Variants in BRIP1 observed in about 807,000 individuals in gnomAD.
BRIP1 encodes the protein BRCA1 interacting DNA helicase 1.
In BRIP1, 88 loss-of-function variants were observed where a neutral mutation model predicts 119.7. The ratio of observed to expected loss-of-function variants is 0.74; its 90% confidence interval spans 0.62 to 0.88. The LOEUF (loss-of-function observed/expected upper bound fraction) is 0.88. BRIP1 is among the 40% of genes least tolerant of loss of function. The pLI is 0.00. For missense variants in BRIP1, 1,259 were observed against 1,455.4 expected, an observed-to-expected ratio of 0.87 and a Z score of 2.20; for synonymous variants, 443 against 496.5, an observed-to-expected ratio of 0.89 and a Z score of 1.43.
At position 61,857,367 on chromosome 17, in the gene BRIP1, G is replaced by A; in HGVS notation, c.206-136C>T. 1.4e-6 allele frequency: 1 copy of A among 725,022 alleles called. No homozygotes were observed. Among genetic ancestry groups the A allele is most frequent in the East Asian group, 2.7e-5 (1 of 36,554 alleles). The allele number at this position is 725,022 out of a possible 1,614,324, so 44.9% of individuals were successfully genotyped here. A position where few individuals can be genotyped will look rare whatever the true frequency, so the allele number is the denominator to read the frequency against. On this transcript the variant is annotated intron_variant, in intron 3 of 19. Coordinates refer to ENST00000259008, the MANE Select transcript of BRIP1 (RefSeq NM_032043.3). The surrounding 1 kb of genome is among the most constrained non-coding windows in gnomAD (Gnocchi z 5.1). ...TAGGGCTAACACCAGGAAGGTACCTGGCAAACCTGGACAAGCTGGTCACTT... is the reference window on the plus strand; with the variant it reads ...TAGGGCTAACACCAGGAAGGTACCTAGCAAACCTGGACAAGCTGGTCACTT...
At chr17:61,741,826 G>T (rs1464251971) in intron 16 of BRIP1, among the ~76,000 whole-genome samples, 1 of 152,170 alleles carries the variant, frequency 6.6e-6, no homozygotes, top group Non-Finnish European at 1.5e-5. Context: ...AAGGCTCTAG[G>T]ATTTTTAAAA....
rs2077009706 is a variant in BRIP1, at chr17:61,743,140, A to G, written c.2258-6T>C. ...TGCTACCAGGAGAGCTCCATCTTAA[A>G]CAACAGAAAAAAGCATATCCAAAAT... On this transcript the variant is annotated splice_region_variant and splice_polypyrimidine_tract_variant and intron_variant, in intron 15 of 19. Transcript: ENST00000259008. The surrounding 1 kb of genome is among the most constrained non-coding windows in gnomAD (Gnocchi z 4.3). 1 of 1,613,910 alleles carries G rather than the reference A, an allele frequency of 6.2e-7. No individual in the cohort carries two copies. Among genetic ancestry groups the G allele is most frequent in the Non-Finnish European group, 8.5e-7 (1 of 1,179,844 alleles).
In BRIP1 at chr17:61,846,858, A is replaced by G. The variant is rs2078740721; in HGVS notation, c.627+243T>C. 6.6e-6 allele frequency among the ~76,000 whole-genome samples: 1 copy of G among 152,208 alleles called. No individual in the cohort carries two copies. The highest frequency in any genetic ancestry group is 2.4e-5 in the African/African-American group (1 of 41,444). ...ACAAACATTAAAATACAGAACAGAA[A>G]AAAATGACTTTCAGATCTCTCTCTA... On this transcript the variant is annotated intron_variant, in intron 6 of 19. Coordinates refer to ENST00000259008, the MANE Select transcript of BRIP1 (RefSeq NM_032043.3). This position sits in a 1 kb window ranked among gnomAD's most constrained non-coding sequence, Gnocchi z 4.3.
rs77877741 is a variant in BRIP1, at chr17:61,852,440, G to C, written c.380-3184C>G. On this transcript the variant is annotated intron_variant, in intron 4 of 19. Transcript: ENST00000259008. This position sits in a 1 kb window ranked among gnomAD's most constrained non-coding sequence, Gnocchi z 4.9. ...TTCAAGCACTTTGGGAGGCTGAGGC[G>C]AGTGATCATTTGAGGTCAGGAGTTA... 6.6e-6 allele frequency among the ~76,000 whole-genome samples: 1 copy of C among 152,076 alleles called. No homozygotes were observed. Among genetic ancestry groups the C allele is most frequent in the African/African-American group, 2.4e-5 (1 of 41,394 alleles).
In BRIP1 at chr17:61,793,763, A is replaced by G; in HGVS notation, c.1341-34T>C. 1 of 1,598,468 alleles carries G rather than the reference A, an allele frequency of 6.3e-7. No individual in the cohort carries two copies. Among genetic ancestry groups the G allele is most frequent in the Non-Finnish European group, 8.5e-7 (1 of 1,174,368 alleles). On this transcript the variant is annotated intron_variant, in intron 9 of 19. Coordinates refer to ENST00000259008, the MANE Select transcript of BRIP1 (RefSeq NM_032043.3). This position sits in a 1 kb window ranked among gnomAD's most constrained non-coding sequence, Gnocchi z 5.2. ...AAATAAAACAATTGTGTCAACCAGT[A>G]TCATCCTTACACACACTATTTCAGC... is the stretch of plus-strand genomic sequence containing the variant.
chr17:61,778,426 A>G lies in BRIP1; in HGVS notation c.1935+1835T>C, dbSNP rs112207339. Among the ~76,000 whole-genome samples the G allele has an allele frequency of 4.7e-4, 71 of 152,312 alleles. No homozygotes were observed. Among genetic ancestry groups the G allele is most frequent in the African/African-American group, 1.7e-3 (71 of 41,590 alleles). On this transcript the variant is annotated intron_variant, in intron 13 of 19. Coordinates refer to ENST00000259008, the MANE Select transcript of BRIP1 (RefSeq NM_032043.3). This position sits in a 1 kb window ranked among gnomAD's most constrained non-coding sequence, Gnocchi z 4.4. Reference sequence around the variant, plus strand: ...AGATTGGTTGCACAACAACATATACATACTTAATAAGACTGAGCTGTATAC... The same window carrying G: ...AGATTGGTTGCACAACAACATATACGTACTTAATAAGACTGAGCTGTATAC...
At chr17:61,826,326 T>C (rs1346897782) in intron 6 of BRIP1, among the ~76,000 whole-genome samples, 2 of 152,160 alleles carry the variant, frequency 1.3e-5, no homozygotes, top group Admixed American at 6.5e-5. Flanking sequence ...ATTCTGGACA[T>C]AGGAACAGGC....
At chr17:61,765,368 G>GTA (rs1425780168) in intron 14 of BRIP1, among the ~76,000 whole-genome samples, 1 of 98,702 alleles carries the variant, frequency 1.0e-5, no homozygotes, top group Non-Finnish European at 1.9e-5. Flanking sequence ...GTGTGTGTGT[G>GTA]TGTGTATATA....
rs1368427133 is a variant in BRIP1, at chr17:61,825,024, G to A, written c.628-16267C>T. Among the ~76,000 whole-genome samples, 5 of 152,074 alleles carry A rather than the reference G, an allele frequency of 3.3e-5. No individual in the cohort carries two copies. The highest frequency in any genetic ancestry group is 1.3e-4 in the Admixed American group (2 of 15,258). ...AGCCCGGCCGGGTGCAGTGGCTCAC[G>A]CCTGTAATCCCAACACTTTGGGAGG... On this transcript the variant is annotated intron_variant, in intron 6 of 19. Coordinates refer to ENST00000259008, the MANE Select transcript of BRIP1 (RefSeq NM_032043.3). This position sits in a 1 kb window ranked among gnomAD's most constrained non-coding sequence, Gnocchi z 4.1.
In BRIP1 at chr17:61,689,939, G is replaced by A. The variant is rs1266301420; in HGVS notation, c.2575+3491C>T. Among the ~76,000 whole-genome samples the A allele has an allele frequency of 6.6e-6, 1 of 152,224 alleles. No homozygotes were observed. The highest frequency in any genetic ancestry group is 1.5e-5 in the Non-Finnish European group (1 of 68,040). On this transcript the variant is annotated intron_variant, in intron 18 of 19. Transcript: ENST00000259008. The surrounding 1 kb of genome is among the most constrained non-coding windows in gnomAD (Gnocchi z 4.5). ...GAGGATCACTTGAGCCTGGGAGGCTGAGGCTGCAGTGAGTCATGATCATGC... is the reference window on the plus strand; with the variant it reads ...GAGGATCACTTGAGCCTGGGAGGCTAAGGCTGCAGTGAGTCATGATCATGC...
In BRIP1 at chr17:61,845,586, T is replaced by G. The variant is rs1430976038; in HGVS notation, c.627+1515A>C. ...ATTTTTTAAAATTCTGATTTTCACTTGAAAGCTCAAATTTTATCTGGCTCA... is the reference window on the plus strand; with the variant it reads ...ATTTTTTAAAATTCTGATTTTCACTGGAAAGCTCAAATTTTATCTGGCTCA... On this transcript the variant is annotated intron_variant, in intron 6 of 19. Coordinates refer to ENST00000259008, the MANE Select transcript of BRIP1 (RefSeq NM_032043.3). The surrounding 1 kb of genome is among the most constrained non-coding windows in gnomAD (Gnocchi z 4.2). Among the ~76,000 whole-genome samples, 1 of 152,220 alleles carries G rather than the reference T, an allele frequency of 6.6e-6. No individual in the cohort carries two copies. Among genetic ancestry groups the G allele is most frequent in the Non-Finnish European group, 1.5e-5 (1 of 68,040 alleles).
chr17:61,860,478 G>A lies in BRIP1; in HGVS notation c.94-571C>T, dbSNP rs570523767. 1.9e-3 allele frequency among the ~76,000 whole-genome samples: 292 copies of A among 152,190 alleles called. No individual in the cohort carries two copies. The highest frequency in any genetic ancestry group is 6.4e-3 in the African/African-American group (266 of 41,532). The stretch of plus-strand genomic sequence containing the variant: ...AGTTCGAGACCAGCCTGGCCAACAC[G>A]GTGAAAACCCGTCTCTACTAAAAAT... On this transcript the variant is annotated intron_variant, in intron 2 of 19. Transcript: ENST00000259008. This position sits in a 1 kb window ranked among gnomAD's most constrained non-coding sequence, Gnocchi z 4.1.
chr17:61,716,247 C>T (rs2061861052), intron 16 of BRIP1, among the ~76,000 whole-genome samples, 184 bp from the exon 17 acceptor site: 1 of 151,896 alleles, frequency 6.6e-6, no homozygotes, highest in Non-Finnish European at 1.5e-5. Flanking sequence ...CCTTAAATTA[C>T]CTAATGCATA....
intron 16 of BRIP1, among the ~76,000 whole-genome samples, chr17:61,727,784 C>G (rs2076786872): frequency 6.8e-6 from 1 of 146,684 alleles, no homozygotes; most frequent in South Asian, 2.4e-4. Flanking sequence ...CTCTCTCTCT[C>G]TCTCTCTATA....
chr17:61,808,325 G>T lies in BRIP1; in HGVS notation c.918+142C>A. 2.4e-6 allele frequency: 2 copies of T among 842,336 alleles called. No homozygotes were observed. Among genetic ancestry groups the T allele is most frequent in the Non-Finnish European group, 3.7e-6 (2 of 544,916 alleles). The allele number at this position is 842,336 out of a possible 1,614,324, so 52.2% of individuals were successfully genotyped here. A position where few individuals can be genotyped will look rare whatever the true frequency, so the allele number is the denominator to read the frequency against. On this transcript the variant is annotated intron_variant, in intron 7 of 19. Transcript: ENST00000259008. The surrounding 1 kb of genome is among the most constrained non-coding windows in gnomAD (Gnocchi z 4.1). The stretch of plus-strand genomic sequence containing the variant: ...CTAAAGATTTTATTACAGGAAAATT[G>T]TTTTTTAAAAGATATCAATACTAGC...
chr17:61,692,905 A>T (rs2061468555), intron 18 of BRIP1, among the ~76,000 whole-genome samples: 1 of 152,222 alleles, frequency 6.6e-6, no homozygotes, highest in African/African-American at 2.4e-5. Context: ...TCTTGAAGAG[A>T]TATCTGCATT....
Position 61,751,277 on chromosome 17 carries a change from A to G in BRIP1, c.2098-6686T>C, listed in dbSNP as rs1387892667. ...TTCACTTATATGAGGTACCTAGAAT[A>G]GACAAATTCTTAGAGATGGGAAGTA... On this transcript the variant is annotated intron_variant, in intron 14 of 19. Transcript: ENST00000259008. The surrounding 1 kb of genome is among the most constrained non-coding windows in gnomAD (Gnocchi z 6.7). Among the ~76,000 whole-genome samples, 2 of 152,202 alleles carry G rather than the reference A, an allele frequency of 1.3e-5. No homozygotes were observed. The highest frequency in any genetic ancestry group is 4.8e-5 in the African/African-American group (2 of 41,458).
chr17:61,776,219 C>T lies in BRIP1; in HGVS notation c.2097+182G>A. ...ACTTTTAAGTAAAACAGAGGTAGGACAATCAGGCAGTATCTTAATCAAAAA... is the reference window on the plus strand; with the variant it reads ...ACTTTTAAGTAAAACAGAGGTAGGATAATCAGGCAGTATCTTAATCAAAAA... On this transcript the variant is annotated intron_variant, in intron 14 of 19. Coordinates refer to ENST00000259008, the MANE Select transcript of BRIP1 (RefSeq NM_032043.3). This position sits in a 1 kb window ranked among gnomAD's most constrained non-coding sequence, Gnocchi z 5.0. 2 of 667,220 alleles carry T rather than the reference C, an allele frequency of 3.0e-6. No individual in the cohort carries two copies. The highest frequency in any genetic ancestry group is 2.0e-5 in the South Asian group (1 of 50,908). 41.3% of individuals were successfully genotyped at this position (667,220 alleles called of 1,614,324 possible).
At chr17:61,818,525 G>A (rs1480946094) in intron 6 of BRIP1, among the ~76,000 whole-genome samples, 1 of 152,096 alleles carries the variant, frequency 6.6e-6, no homozygotes, top group Admixed American at 6.6e-5. Flanking sequence ...GTCATGGTAA[G>A]GTCATATGAA....
Sources: allele counts gnomAD v4.1 joint callset (sites outside exome capture counted in the v4.1 genomes callset), GRCh38; gene constraint gnomAD v4.1.1; non-coding constraint Gnocchi (gnomAD v3.1); transcripts MANE v1.5; gene names NCBI Gene and HGNC (gene_info 2026-07-23, HGNC 2026-07-21).